MYO3B: variants seen among roughly 807,000 people sequenced by gnomAD.
MYO3B encodes myosin IIIB, also known as myosin-IIIb.
Under a neutral mutation model 174.6 loss-of-function variants are expected in MYO3B, and 156 were observed. That is an observed-to-expected ratio of 0.89 (90% CI 0.78 to 1.02). The LOEUF (loss-of-function observed/expected upper bound fraction) is 1.02, where lower values mean the gene tolerates loss of function less well. MYO3B is among the 50% of genes least tolerant of loss of function. The probability of loss-of-function intolerance (pLI) is 0.00; values close to 1 mark genes in which losing one functional copy is unlikely to be tolerated. For synonymous variants in MYO3B, 563 were observed against 569.1 expected (o/e 0.99, Z 0.15); for missense variants, 1,632 against 1,639.4 (o/e 1.00, Z 0.08).
At chr2:170,526,751 A>C (rs1304407882) in intron 30 of MYO3B, among the ~76,000 whole-genome samples, 1 of 152,234 alleles carries the variant, frequency 6.6e-6, no homozygotes, top group South Asian at 2.1e-4. Context: ...AGCTGAAAGA[A>C]GCTTCAAGGA....
At chr2:170,583,797 G>T (rs993449421) in intron 32 of MYO3B, among the ~76,000 whole-genome samples, 1 of 152,052 alleles carries the variant, frequency 6.6e-6, no homozygotes, top group Non-Finnish European at 1.5e-5. Context: ...CTTGCCCAAG[G>T]TCACACAGCT....
At chr2:170,191,679 G>T (rs753154548) in intron 1 of MYO3B, among the ~76,000 whole-genome samples, 1 of 152,066 alleles carries the variant, frequency 6.6e-6, no homozygotes, top group African/African-American at 2.4e-5. Context: ...GATTATCTCC[G>T]TGCCACATGA....
intron 6 of MYO3B, among the ~76,000 whole-genome samples, chr2:170,221,689 A>C (rs6758188): frequency 0.98 from 149,786 of 152,252 alleles, 73,727 homozygotes; most frequent in East Asian, 1. Context: ...CTGGGGAAAT[A>C]AATTGCTTGG....
intron 1 of MYO3B, among the ~76,000 whole-genome samples, chr2:170,186,233 T>C (rs1278401199): frequency 6.6e-6 from 1 of 152,174 alleles, no homozygotes; most frequent in African/African-American, 2.4e-5. Context: ...AGGCTTTCAA[T>C]GTTTCCCCAT....
intron 32 of MYO3B, among the ~76,000 whole-genome samples, chr2:170,562,054 G>C (rs116696287): frequency 0.01 from 1,536 of 152,038 alleles, 19 homozygotes; most frequent in African/African-American, 0.034. Flanking sequence ...AAATTACTTG[G>C]CCATTGCTCA....
chr2:170,482,674 C>T (rs1685772361), intron 25 of MYO3B, among the ~76,000 whole-genome samples: 1 of 152,222 alleles, frequency 6.6e-6, no homozygotes, highest in Non-Finnish European at 1.5e-5. Context: ...TCTTAAAATG[C>T]CTTTTACAAT....
At chr2:170,537,448 A>ATT (rs559086883) in intron 30 of MYO3B, among the ~76,000 whole-genome samples, 2,545 of 54,754 alleles carry the variant, frequency 0.046, 441 homozygotes, top group Non-Finnish European at 0.056. Context: ...GAGCTCTTTG[A>ATT]TTTTTTTTTT....
intron 22 of MYO3B, among the ~76,000 whole-genome samples, chr2:170,437,499 A>G (rs528382909): frequency 1.3e-5 from 2 of 152,278 alleles, no homozygotes; most frequent in South Asian, 2.1e-4. Context: ...AAGCGTCTTT[A>G]TCTCTGCGGA....
intron 32 of MYO3B, among the ~76,000 whole-genome samples, chr2:170,620,874 G>T (rs1695854330): frequency 6.6e-6 from 1 of 152,084 alleles, no homozygotes; most frequent in Admixed American, 6.6e-5. Context: ...GCCTCTCAGG[G>T]TGTTTGCCAT....
intron 22 of MYO3B, among the ~76,000 whole-genome samples, chr2:170,422,126 A>G (rs2094620373): frequency 1.3e-5 from 2 of 152,172 alleles, no homozygotes; most frequent in African/African-American, 2.4e-5. Context: ...TCCAGATTAG[A>G]TGGGACCTTA....
chr2:170,220,889 G>C (rs930084486), intron 6 of MYO3B, among the ~76,000 whole-genome samples: 11 of 152,150 alleles, frequency 7.2e-5, no homozygotes, highest in Non-Finnish European at 1.3e-4. Context: ...TATGCTCTGG[G>C]ACCCAGGCTG....
chr2:170,465,123 T>C (rs548501095), intron 24 of MYO3B, among the ~76,000 whole-genome samples: 2 of 151,920 alleles, frequency 1.3e-5, no homozygotes, highest in South Asian at 4.2e-4. Flanking sequence ...TCCACCCACC[T>C]CGGCCTCCCA....
chr2:170,389,287 G>A (rs756735876), intron 14 of MYO3B, among the ~76,000 whole-genome samples: 2 of 152,150 alleles, frequency 1.3e-5, no homozygotes, highest in Admixed American at 6.5e-5. Context: ...CTGTGTGGCT[G>A]GGTGTGGTCA....
intron 32 of MYO3B, among the ~76,000 whole-genome samples, chr2:170,621,789 G>T (rs948860280): frequency 6.6e-6 from 1 of 152,020 alleles, no homozygotes; most frequent in Non-Finnish European, 1.5e-5. Context: ...TGGGGCCACC[G>T]TGAGCCACCA....
intron 25 of MYO3B, among the ~76,000 whole-genome samples, chr2:170,485,359 G>T (rs1344970290): frequency 1.4e-5 from 2 of 146,916 alleles, no homozygotes; most frequent in African/African-American, 5.1e-5. Context: ...CCTCTCTAAA[G>T]TAGCTTTAGT....
chr2:170,325,490 G>T (rs2093859821), intron 7 of MYO3B, among the ~76,000 whole-genome samples: 1 of 152,212 alleles, frequency 6.6e-6, no homozygotes, highest in Non-Finnish European at 1.5e-5. Context: ...TTACAGGCGT[G>T]AGCCACTACG....
At chr2:170,622,682 C>G (rs995994686) in intron 32 of MYO3B, among the ~76,000 whole-genome samples, 3 of 151,940 alleles carry the variant, frequency 2.0e-5, no homozygotes, top group Non-Finnish European at 2.9e-5. Flanking sequence ...ATTAACTCAT[C>G]ATTTACATTA....
At chr2:170,461,628 T>C (rs1348065350) in intron 23 of MYO3B, among the ~76,000 whole-genome samples, 1 of 151,192 alleles carries the variant, frequency 6.6e-6, no homozygotes, top group African/African-American at 2.4e-5. Flanking sequence ...ATACAAAAAT[T>C]AGCTGGGTGT....
chr2:170,498,648 G>A lies in MYO3B; in HGVS notation c.3071G>A (p.Cys1024Tyr). ...HQTPLASKESCVAILEKSRLD... is the reference protein window; with the variant it reads ...HQTPLASKESYVAILEKSRLD... ...ACACCTCTTGCTAGCAAAGAGAGCT[G>A]TGTGGCTATCTTGGAAAAGTCCAGA... The change falls in exon 26 of 35, where the codon TGT becomes TAT. Residue 1024 changes from cysteine to tyrosine, a missense_variant. Transcript: ENST00000408978. 6 of 1,614,124 alleles carry A rather than the reference G, an allele frequency of 3.7e-6. No homozygotes were observed. Among genetic ancestry groups the A allele is most frequent in the East Asian group, 2.2e-5 (1 of 44,872 alleles).
Sources: gnomAD v4.1 joint callset for allele counts (sites outside exome capture counted in the v4.1 genomes callset) on GRCh38, gnomAD v4.1.1 for gene constraint, MANE v1.5 for transcripts, NCBI Gene and HGNC (gene_info 2026-07-23, HGNC 2026-07-21) for gene names.